Variants in RNF169 observed in about 807,000 individuals in gnomAD.
RNF169 encodes the protein E3 ubiquitin-protein ligase RNF169.
In RNF169, 24 loss-of-function variants were observed where a neutral mutation model predicts 53.9. The observed-to-expected ratio is 0.45, with a 90% CI of 0.32 to 0.63. The LOEUF (loss-of-function observed/expected upper bound fraction) is 0.63, where lower values mean the gene tolerates loss of function less well. Ranked by LOEUF, RNF169 falls within the 20% of genes least tolerant of loss-of-function variation. The probability of loss-of-function intolerance (pLI) is 0.04; values close to 1 mark genes in which losing one functional copy is unlikely to be tolerated. For synonymous variants in RNF169, 396 were observed against 363.5 expected, an observed-to-expected ratio of 1.09 and a Z score of -1.02; for missense variants, 883 against 906.2, an observed-to-expected ratio of 0.97 and a Z score of 0.33.
chr11:74,802,880 G>A (rs965091310), intron 2 of RNF169, among the ~76,000 whole-genome samples: 49 of 151,658 alleles, frequency 3.2e-4, no homozygotes, highest in African/African-American at 1.1e-3. Flanking sequence ...CAGTATCTGG[G>A]GGAAAAGGGA....
At chr11:74,814,380 CTTT>C (rs35427771) in intron 3 of RNF169, among the ~76,000 whole-genome samples, 2 of 96,214 alleles carry the variant, frequency 2.1e-5, no homozygotes, top group African/African-American at 4.0e-5. Context: ...TCTTTCTTGC[CTTT>C]TTTTTTTTTT....
chr11:74,841,588 T>C lies in RNF169; in HGVS notation c.*4858T>C, dbSNP rs961413568. On this transcript the variant is annotated 3_prime_UTR_variant, in exon 6 of 6. Transcript: ENST00000299563. The stretch of plus-strand genomic sequence containing the variant: ...TGAGTAAATGCCTCCTTAATGCCTT[T>C]TAAGTAAGGTGGCAACTTTTAACTG... 1.3e-5 allele frequency: 2 copies of C among 152,226 alleles called. No homozygotes were observed. Among genetic ancestry groups the C allele is most frequent in the African/African-American group, 4.8e-5 (2 of 41,454 alleles). 9.4% of individuals were successfully genotyped at this position (152,226 alleles called of 1,614,324 possible).
intron 2 of RNF169, among the ~76,000 whole-genome samples, chr11:74,799,061 G>GA (rs528246759): frequency 2.4e-3 from 195 of 82,576 alleles, no homozygotes; most frequent in African/African-American, 6.4e-3. Flanking sequence ...CTCAAAAAAA[G>GA]AAAAAAAAAA....
chr11:74,814,408 G>T (rs1455713030), intron 3 of RNF169, among the ~76,000 whole-genome samples: 2 of 144,506 alleles, frequency 1.4e-5, no homozygotes, highest in Non-Finnish European at 3.0e-5. Flanking sequence ...TTGAGACAGG[G>T]TCTCACTGTG....
At chr11:74,816,303 T>A (rs2135125913) in intron 3 of RNF169, among the ~76,000 whole-genome samples, 1 of 152,308 alleles carries the variant, frequency 6.6e-6, no homozygotes, top group African/African-American at 2.4e-5. Flanking sequence ...GTATTGGAAA[T>A]TTTTTAAAAA....
chr11:74,762,482 G>A (rs867626744), intron 1 of RNF169, among the ~76,000 whole-genome samples: 6 of 152,022 alleles, frequency 3.9e-5, no homozygotes, highest in Non-Finnish European at 7.3e-5. Context: ...ATGGGTTTTC[G>A]GTGTGGATGT....
intron 1 of RNF169, among the ~76,000 whole-genome samples, chr11:74,761,263 C>T (rs1337732372): frequency 6.8e-6 from 1 of 147,006 alleles, no homozygotes; most frequent in Admixed American, 6.8e-5. Flanking sequence ...GACTCTTTAT[C>T]CAACTTGCCA....
chr11:74,823,301 G>A (rs1024528602), intron 4 of RNF169, among the ~76,000 whole-genome samples: 10 of 152,144 alleles, frequency 6.6e-5, no homozygotes. Flanking sequence ...CTGGTGACAT[G>A]AGCAAAATTG....
intron 1 of RNF169, among the ~76,000 whole-genome samples, chr11:74,789,087 T>G (rs2035545224): frequency 6.6e-6 from 1 of 152,206 alleles, no homozygotes. Flanking sequence ...TGGGTGAAGG[T>G]GATGGAATGT....
intron 4 of RNF169, among the ~76,000 whole-genome samples, chr11:74,824,492 A>G (rs145766421): frequency 1.4e-3 from 218 of 152,370 alleles, no homozygotes; most frequent in Non-Finnish European, 2.3e-3. Flanking sequence ...AATGAAAGAC[A>G]TAAGTCTACA....
Position 74,838,323 on chromosome 11 carries a change from G to A in RNF169, c.*1593G>A, listed in dbSNP as rs1229218179. 1 of 152,212 alleles carries A rather than the reference G, an allele frequency of 6.6e-6. No individual in the cohort carries two copies. The highest frequency in any genetic ancestry group is 1.5e-5 in the Non-Finnish European group (1 of 68,048). The allele number at this position is 152,212 out of a possible 1,614,324, so 9.4% of individuals were successfully genotyped here. Reference sequence around the variant, plus strand: ...TGCCTTTTCTCAGGGCAAATCTTCAGTGTTTTGTGGTTATTTGTGGTTGAG... The same window carrying A: ...TGCCTTTTCTCAGGGCAAATCTTCAATGTTTTGTGGTTATTTGTGGTTGAG... On this transcript the variant is annotated 3_prime_UTR_variant, in exon 6 of 6. Transcript: ENST00000299563.
In RNF169 at chr11:74,789,353, A is replaced by T. The variant is rs148867195; in HGVS notation, c.503-273A>T. Among the ~76,000 whole-genome samples the T allele has an allele frequency of 1.0e-3, 158 of 152,344 alleles. 1 individual carries two copies. In the East Asian group the frequency reaches 0.026, roughly 25 times the overall value. On this transcript the variant is annotated intron_variant, in intron 1 of 5. Coordinates refer to ENST00000299563, the MANE Select transcript of RNF169 (RefSeq NM_001098638.2). ...AGACTATTTTCTATAACAAGCATTT[A>T]TCAACCTCAGTGGGATGTAGATTTA...
At chr11:74,756,143 C>T (rs971299523) in intron 1 of RNF169, among the ~76,000 whole-genome samples, 8 of 152,132 alleles carry the variant, frequency 5.3e-5, no homozygotes, top group Non-Finnish European at 8.8e-5. Context: ...ATTTGAGGGT[C>T]TTCTGTGTGC....
At chr11:74,749,631 G>A (rs1292296866) in intron 1 of RNF169, among the ~76,000 whole-genome samples, 1 of 152,240 alleles carries the variant, frequency 6.6e-6, no homozygotes, top group Non-Finnish European at 1.5e-5. Context: ...GAAGTTTGGA[G>A]GGAAACAGAA....
intron 1 of RNF169, among the ~76,000 whole-genome samples, chr11:74,768,856 G>A (rs570686523): frequency 6.6e-6 from 1 of 151,856 alleles, no homozygotes; most frequent in Non-Finnish European, 1.5e-5. Context: ...ACCAGCCTGG[G>A]CAACATAGGG....
intron 4 of RNF169, among the ~76,000 whole-genome samples, chr11:74,825,038 CAA>C (rs531937504): frequency 3.9e-5 from 6 of 152,222 alleles, no homozygotes; most frequent in South Asian, 2.1e-4. Context: ...AAACAGTAAA[CAA>C]GAGAGCTGGA....
intron 1 of RNF169, among the ~76,000 whole-genome samples, chr11:74,755,617 A>G (rs1349434614): frequency 2.0e-5 from 3 of 152,250 alleles, no homozygotes; most frequent in South Asian, 2.1e-4. Flanking sequence ...TAAACAGACA[A>G]TGCTAACAGA....
intron 4 of RNF169, among the ~76,000 whole-genome samples, chr11:74,820,042 C>T (rs1009624497): frequency 2.6e-5 from 4 of 152,140 alleles, no homozygotes; most frequent in African/African-American, 9.7e-5. Flanking sequence ...AGATACTAAA[C>T]ACATGTCCAG....
At chr11:74,750,768 G>A (rs1273141497) in intron 1 of RNF169, among the ~76,000 whole-genome samples, 1 of 149,970 alleles carries the variant, frequency 6.7e-6, no homozygotes, top group Non-Finnish European at 1.5e-5. Flanking sequence ...ACCACGCCCG[G>A]CTTTTTTGTA....
Sources: allele counts gnomAD v4.1 joint callset (sites outside exome capture counted in the v4.1 genomes callset), GRCh38; gene constraint gnomAD v4.1.1; transcripts MANE v1.5; gene names NCBI Gene and HGNC (gene_info 2026-07-23, HGNC 2026-07-21).